The following NKAIN3 variants were observed in gnomAD, a reference collection of about 807,000 sequenced individuals.
NKAIN3 encodes sodium/potassium transporting ATPase interacting 3.
Under a neutral mutation model 30.2 loss-of-function variants are expected in NKAIN3, and 25 were observed. The observed-to-expected ratio is 0.83, with a 90% CI of 0.60 to 1.16. NKAIN3 has a LOEUF of 1.16. Ranked by LOEUF, NKAIN3 falls within the 50% of genes most tolerant of loss-of-function variation. The pLI is 0.00. For missense variants in NKAIN3, 225 were observed against 254.1 expected (o/e 0.89, Z 0.78); for synonymous variants, 91 against 89.6 (o/e 1.02, Z -0.09).
intron 1 of NKAIN3, among the ~76,000 whole-genome samples, chr8:62,504,046 C>T (rs1563429559): frequency 1.3e-5 from 2 of 152,136 alleles, no homozygotes; most frequent in African/African-American, 2.4e-5. Context: ...ATTTATATTC[C>T]TCTGCCACGG....
chr8:62,636,416 C>G (rs149331292), intron 3 of NKAIN3, among the ~76,000 whole-genome samples: 1 of 152,114 alleles, frequency 6.6e-6, no homozygotes, highest in African/African-American at 2.4e-5. Context: ...ATCAATAGCT[C>G]TCATCAGAAT....
chr8:62,975,796 C>G lies in NKAIN3; in HGVS notation c.*10389C>G, dbSNP rs533768765. 2.0e-5 allele frequency among the ~76,000 whole-genome samples: 3 copies of G among 152,142 alleles called. No individual in the cohort carries two copies. The South Asian group carries it at 6.2e-4, about 32-fold the overall frequency. On this transcript the variant is annotated 3_prime_UTR_variant, in exon 7 of 7. Coordinates refer to ENST00000623646, the MANE Select transcript of NKAIN3 (RefSeq NM_001304533.3). ...TAGATTTTAGATGTTTAGATGTTTC[C>G]CACTTTCTCCTGTGAGCACTTAGGT...
chr8:62,252,979 A>T (rs1356434316), intron 1 of NKAIN3, among the ~76,000 whole-genome samples: 1 of 152,168 alleles, frequency 6.6e-6, no homozygotes, highest in African/African-American at 2.4e-5. Context: ...CACTGAACTA[A>T]TTTTGGCAGG....
chr8:62,653,608 A>C (rs1033224468), intron 3 of NKAIN3, among the ~76,000 whole-genome samples: 1 of 152,150 alleles, frequency 6.6e-6, no homozygotes, highest in Non-Finnish European at 1.5e-5. Flanking sequence ...AAAATAAAGG[A>C]ATATACAAGT....
At chr8:62,540,189 G>T (rs1808794683) in intron 1 of NKAIN3, among the ~76,000 whole-genome samples, 1 of 151,930 alleles carries the variant, frequency 6.6e-6, no homozygotes, top group Admixed American at 6.6e-5. Flanking sequence ...TCTTCTTATT[G>T]TTTATTTTGT....
intron 1 of NKAIN3, among the ~76,000 whole-genome samples, chr8:62,347,517 G>A (rs1419449642): frequency 4.0e-5 from 6 of 151,886 alleles, no homozygotes; most frequent in Non-Finnish European, 8.8e-5. Context: ...ATTACCTTAA[G>A]GAAGATCAAA....
In NKAIN3 at chr8:62,849,295, CTTTTT is replaced by C. The variant is rs71255367; in HGVS notation, c.472-69143_472-69139del. Among the ~76,000 whole-genome samples, 18 of 106,072 alleles carry C rather than the reference CTTTTT, an allele frequency of 1.7e-4. 1 individual carries two copies. Among genetic ancestry groups the C allele is most frequent in the East Asian group, 1.4e-3 (5 of 3,688 alleles). 69.6% of individuals were successfully genotyped at this position (106,072 alleles called of 152,430 possible). ...AGATGTGAATTCATCTGGTCCTGGGCTTTTTTTTTTTTTTTTTTTGGTTGGTAGGT... is the reference window on the plus strand; with the variant it reads ...AGATGTGAATTCATCTGGTCCTGGGCTTTTTTTTTTTTTTGGTTGGTAGGT... On this transcript the variant is annotated intron_variant, in intron 4 of 6. Transcript: ENST00000623646.
chr8:62,892,059 C>T (rs1356544533), intron 4 of NKAIN3, among the ~76,000 whole-genome samples: 4 of 152,158 alleles, frequency 2.6e-5, no homozygotes, highest in Non-Finnish European at 4.4e-5. Context: ...AGATGGGTGA[C>T]ATAGGAGATA....
intron 1 of NKAIN3, among the ~76,000 whole-genome samples, chr8:62,313,602 G>C (rs760444247): frequency 6.6e-6 from 1 of 152,136 alleles, no homozygotes; most frequent in Non-Finnish European, 1.5e-5. Context: ...AGGGGAAATA[G>C]TTGATATTCC....
intron 1 of NKAIN3, among the ~76,000 whole-genome samples, chr8:62,564,788 G>A (rs1051568817): frequency 6.6e-6 from 1 of 152,114 alleles, no homozygotes; most frequent in Admixed American, 6.6e-5. Flanking sequence ...CCTATTGTGG[G>A]TGGACACACA....
chr8:62,815,526 T>C (rs4443660), intron 4 of NKAIN3, among the ~76,000 whole-genome samples: 14,084 of 152,178 alleles, frequency 0.093, 692 homozygotes, highest in African/African-American at 0.1. Context: ...TCCACCATGA[T>C]CAAGTGGGCT....
intron 3 of NKAIN3, among the ~76,000 whole-genome samples, chr8:62,741,565 C>A (rs1220206430): frequency 6.6e-6 from 1 of 152,176 alleles, no homozygotes; most frequent in African/African-American, 2.4e-5. Flanking sequence ...GAAATCTCCA[C>A]CAACAACCTG....
At chr8:62,934,607 G>C (rs943872519) in intron 5 of NKAIN3, among the ~76,000 whole-genome samples, 2 of 152,016 alleles carry the variant, frequency 1.3e-5, no homozygotes, top group African/African-American at 4.8e-5. Context: ...CTGGTTCCCT[G>C]ACTCAAGAAT....
chr8:62,265,094 T>G (rs1812563493), intron 1 of NKAIN3, among the ~76,000 whole-genome samples: 1 of 152,124 alleles, frequency 6.6e-6, no homozygotes, highest in Admixed American at 6.6e-5. Context: ...AAGGTGCCAT[T>G]ACAGAAAAGG....
At chr8:62,637,419 C>T (rs1326109907) in intron 3 of NKAIN3, among the ~76,000 whole-genome samples, 1 of 152,198 alleles carries the variant, frequency 6.6e-6, no homozygotes, top group African/African-American at 2.4e-5. Flanking sequence ...AGTAAGGAGA[C>T]ACTAATCAGT....
At chr8:62,361,240 T>C (rs1262122547) in intron 1 of NKAIN3, among the ~76,000 whole-genome samples, 2 of 152,262 alleles carry the variant, frequency 1.3e-5, no homozygotes, top group Non-Finnish European at 2.9e-5. Context: ...TTGGATTTGA[T>C]TTCAGCAACA....
intron 1 of NKAIN3, among the ~76,000 whole-genome samples, chr8:62,365,650 G>A (rs2351667): frequency 0.83 from 126,491 of 152,192 alleles, 52,799 homozygotes; most frequent in South Asian, 0.88. Context: ...GTGTGAAATT[G>A]CTAAATCATA....
Position 62,745,777 on chromosome 8 carries a change from C to A in NKAIN3, c.274-1155C>A, listed in dbSNP as rs566145084. ...TGACTGTGGTGCCATTTTCTTGAAACAACTGAGGAGGAAGGACCTGGCTGT... is the reference window on the plus strand; with the variant it reads ...TGACTGTGGTGCCATTTTCTTGAAAAAACTGAGGAGGAAGGACCTGGCTGT... On this transcript the variant is annotated intron_variant, in intron 3 of 6. Transcript: ENST00000623646. Among the ~76,000 whole-genome samples, 6 of 152,204 alleles carry A rather than the reference C, an allele frequency of 3.9e-5. No homozygotes were observed. In the East Asian group the frequency reaches 1.2e-3, roughly 29 times the overall value.
rs574046318 is a variant in NKAIN3, at chr8:62,396,102, C to T, written c.54+146975C>T. On this transcript the variant is annotated intron_variant, in intron 1 of 6. Coordinates refer to ENST00000623646, the MANE Select transcript of NKAIN3 (RefSeq NM_001304533.3). ...CACACTATACAGACATCAGTACTTA[C>T]AGGGAAAACCTTAATCCTTTAGTGT... 2.0e-5 allele frequency among the ~76,000 whole-genome samples: 3 copies of T among 152,294 alleles called. No homozygotes were observed. The East Asian group carries it at 5.8e-4, about 29-fold the overall frequency.
Sources: gnomAD v4.1 joint callset for allele counts (sites outside exome capture counted in the v4.1 genomes callset) on GRCh38, gnomAD v4.1.1 for gene constraint, MANE v1.5 for transcripts, NCBI Gene and HGNC (gene_info 2026-07-23, HGNC 2026-07-21) for gene names.